KLF12: variants seen among roughly 807,000 people sequenced by gnomAD.
The protein encoded by KLF12 is KLF transcription factor 12, also known as Krueppel-like factor 12.
In KLF12, 9 loss-of-function variants were observed where a neutral mutation model predicts 37.8. The observed-to-expected ratio is 0.24, with a 90% CI of 0.14 to 0.42. The LOEUF is 0.42. Ranked by LOEUF, KLF12 falls within the 10% of genes least tolerant of loss-of-function variation. KLF12 has a pLI of 1.00. For missense variants in KLF12, 411 were observed against 516.0 expected (o/e 0.80, Z 1.97); for synonymous variants, 208 against 202.1 (o/e 1.03, Z -0.25).
intron 4 of KLF12, among the ~76,000 whole-genome samples, chr13:73,837,744 A>G (rs1308837483): frequency 6.6e-6 from 1 of 152,226 alleles, no homozygotes; most frequent in African/African-American, 2.4e-5. Flanking sequence ...GACCATAAGT[A>G]ACTTGCTAGT....
intron 1 of KLF12, among the ~76,000 whole-genome samples, chr13:74,020,235 C>A (rs1467589230): frequency 6.6e-6 from 1 of 152,142 alleles, no homozygotes; most frequent in Admixed American, 6.5e-5. Flanking sequence ...TCCCATATAA[C>A]CAAAGCATCT....
intron 3 of KLF12, among the ~76,000 whole-genome samples, chr13:73,912,939 C>T (rs1175669948): frequency 1.3e-5 from 2 of 151,632 alleles, no homozygotes; most frequent in African/African-American, 4.9e-5. Context: ...ATATCCTTCC[C>T]CTACTTCTCC....
intron 6 of KLF12, among the ~76,000 whole-genome samples, chr13:73,723,422 C>G (rs1033985376): frequency 4.6e-5 from 7 of 151,940 alleles, no homozygotes; most frequent in African/African-American, 1.5e-4. Flanking sequence ...GATTTTCCCA[C>G]AGAATTTCTT....
At chr13:73,967,994 G>A (rs768077753) in intron 2 of KLF12, among the ~76,000 whole-genome samples, 9 of 152,096 alleles carry the variant, frequency 5.9e-5, no homozygotes, top group Non-Finnish European at 1.3e-4. Context: ...TCTCAATATG[G>A]TCATGTTCTT....
chr13:73,783,691 T>C (rs1008541512), intron 5 of KLF12, among the ~76,000 whole-genome samples: 1 of 152,054 alleles, frequency 6.6e-6, no homozygotes, highest in Non-Finnish European at 1.5e-5. Flanking sequence ...AGTCTCATGA[T>C]GGCCTGTATA....
At chr13:74,150,426 T>C in the KLF12 span, among the ~76,000 whole-genome samples, 3 of 152,234 alleles carry the variant, frequency 2.0e-5, no homozygotes, top group Admixed American at 2.0e-4. Context: ...ATGCCTTTCA[T>C]TCACAAATGT....
chr13:73,842,026 C>T (rs4142837), intron 4 of KLF12, among the ~76,000 whole-genome samples: 35,990 of 152,054 alleles, frequency 0.24, 4,580 homozygotes, highest in East Asian at 0.51. Context: ...CCTGCCATTG[C>T]TTTAGATCAC....
the KLF12 span, among the ~76,000 whole-genome samples, chr13:74,283,690 T>C: frequency 6.6e-6 from 1 of 152,180 alleles, no homozygotes; most frequent in African/African-American, 2.4e-5. Context: ...TCTCAGTTTC[T>C]ACTTCTGTTA....
At chr13:74,079,211 G>A (rs1000901879) in intron 1 of KLF12, among the ~76,000 whole-genome samples, 7 of 59,742 alleles carry the variant, frequency 1.2e-4, no homozygotes, top group Admixed American at 1.8e-4. Flanking sequence ...AAAATAGAAC[G>A]GGTACCAGGG....
At chr13:73,724,934 T>C (rs571289130) in intron 6 of KLF12, among the ~76,000 whole-genome samples, 75 of 152,254 alleles carry the variant, frequency 4.9e-4, no homozygotes, top group Non-Finnish European at 8.4e-4. Context: ...TGATATTCTT[T>C]CTTTTTACAT....
intron 1 of KLF12, among the ~76,000 whole-genome samples, chr13:74,090,964 C>G (rs576685862): frequency 2.0e-5 from 3 of 149,138 alleles, no homozygotes; most frequent in Non-Finnish European, 4.4e-5. Context: ...AAAGCTCATA[C>G]TCTTCCATTT....
intron 1 of KLF12, among the ~76,000 whole-genome samples, chr13:74,021,008 C>T (rs1174214167): frequency 2.0e-5 from 3 of 152,144 alleles, no homozygotes; most frequent in African/African-American, 7.2e-5. Context: ...GATCCAGACC[C>T]CTCGACGTCT....
At chr13:73,951,069 G>T (rs1326362233) in intron 2 of KLF12, among the ~76,000 whole-genome samples, 3 of 152,160 alleles carry the variant, frequency 2.0e-5, no homozygotes, top group Non-Finnish European at 4.4e-5. Flanking sequence ...CCTCATAGAC[G>T]ATCAAGAAGT....
At chr13:74,105,313 A>G (rs1164049988) in intron 1 of KLF12, among the ~76,000 whole-genome samples, 1 of 152,160 alleles carries the variant, frequency 6.6e-6, no homozygotes, top group Non-Finnish European at 1.5e-5. Flanking sequence ...TTCAAAACAG[A>G]CTGGGTTTTG....
chr13:74,154,966 C>T, the KLF12 span, among the ~76,000 whole-genome samples: 28,835 of 152,200 alleles, frequency 0.19, 3,368 homozygotes, highest in African/African-American at 0.33. Context: ...TTAGCTTTCC[C>T]TTTATGAGAA....
the KLF12 span, among the ~76,000 whole-genome samples, chr13:74,186,764 A>G: frequency 6.6e-6 from 1 of 152,204 alleles, no homozygotes; most frequent in Non-Finnish European, 1.5e-5. Flanking sequence ...GCCAGTTATG[A>G]CTAGGTATTT....
chr13:73,947,986 G>C (rs933644071), intron 2 of KLF12, among the ~76,000 whole-genome samples: 1 of 152,132 alleles, frequency 6.6e-6, no homozygotes, highest in South Asian at 2.1e-4. Context: ...TTAAACAAGG[G>C]TTCCTGTCAT....
At chr13:74,287,349 TGAGAGAGAGAGA>T in the KLF12 span, among the ~76,000 whole-genome samples, 61 of 71,896 alleles carry the variant, frequency 8.5e-4, no homozygotes, top group Admixed American at 6.2e-3. Context: ...CTATCAAAGT[TGAGAGAGAGAGA>T]GAGAGAGAGA....
the KLF12 span, among the ~76,000 whole-genome samples, chr13:74,152,377 C>T: frequency 6.6e-6 from 1 of 152,102 alleles, no homozygotes; most frequent in Non-Finnish European, 1.5e-5. Context: ...AGAGTACTCC[C>T]CTCTCAAACA....
Sources: allele counts gnomAD v4.1 joint callset (sites outside exome capture counted in the v4.1 genomes callset), GRCh38; gene constraint gnomAD v4.1.1; transcripts MANE v1.5; gene names NCBI Gene and HGNC (gene_info 2026-07-23, HGNC 2026-07-21).